TMEM200A: variants seen among roughly 807,000 people sequenced by gnomAD.
The protein encoded by TMEM200A is two transmembrane C.
Under a neutral mutation model 24.3 loss-of-function variants are expected in TMEM200A, and 12 were observed. The ratio of observed to expected loss-of-function variants is 0.49; its 90% CI spans 0.32 to 0.80. TMEM200A has a LOEUF of 0.80. TMEM200A is among the 30% of genes least tolerant of loss of function. TMEM200A has a pLI of 0.04. For synonymous variants in TMEM200A, 224 were observed against 224.4 expected (o/e 1.00, Z 0.02); for missense variants, 545 against 614.4 (o/e 0.89, Z 1.19).
chr6:130,367,105 C>T (rs1778188296), intron 1 of TMEM200A, among the ~76,000 whole-genome samples: 1 of 152,124 alleles, frequency 6.6e-6, no homozygotes, highest in Admixed American at 6.5e-5. Context: ...TGTGTATTTA[C>T]CGCTGTTTGA....
intron 2 of TMEM200A, among the ~76,000 whole-genome samples, chr6:130,434,181 A>T (rs1281088148): frequency 6.6e-6 from 1 of 152,216 alleles, no homozygotes; most frequent in Non-Finnish European, 1.5e-5. Context: ...GTCAACAGAT[A>T]CTTACTGAGC....
chr6:130,384,978 C>T (rs1015519379), intron 1 of TMEM200A, among the ~76,000 whole-genome samples, 195 bp from the exon 2 acceptor site: 30 of 152,204 alleles, frequency 2.0e-4, no homozygotes, highest in African/African-American at 7.2e-5. Flanking sequence ...CATAGCATCT[C>T]ATCTGGTGGC....
chr6:130,431,610 A>G (rs1041181833), intron 2 of TMEM200A, among the ~76,000 whole-genome samples: 1 of 152,128 alleles, frequency 6.6e-6, no homozygotes, highest in African/African-American at 2.4e-5. Flanking sequence ...TCCTGCAGAA[A>G]ATATCTCCCA....
chr6:130,371,730 G>A (rs1056731108), intron 1 of TMEM200A, among the ~76,000 whole-genome samples: 5 of 152,294 alleles, frequency 3.3e-5, no homozygotes, highest in South Asian at 4.1e-4. Context: ...GAAAGGGGAT[G>A]GGAAAATTAT....
intron 1 of TMEM200A, among the ~76,000 whole-genome samples, chr6:130,381,556 G>C (rs3850236): frequency 6.6e-6 from 1 of 151,954 alleles, no homozygotes; most frequent in Non-Finnish European, 1.5e-5. Context: ...TCGGATTACA[G>C]TGCCAGAGAC....
chr6:130,390,154 C>T (rs946472535), intron 2 of TMEM200A, among the ~76,000 whole-genome samples: 1 of 152,124 alleles, frequency 6.6e-6, no homozygotes, highest in African/African-American at 2.4e-5. Context: ...TATAATTTAA[C>T]TGTTTTTTCA....
At chr6:130,435,740 T>G (rs1382919531) in intron 2 of TMEM200A, among the ~76,000 whole-genome samples, 1 of 152,192 alleles carries the variant, frequency 6.6e-6, no homozygotes, top group Non-Finnish European at 1.5e-5. Context: ...GTTCCCAAGT[T>G]AACAAAATGA....
At chr6:130,392,036 C>G (rs534616975) in intron 2 of TMEM200A, among the ~76,000 whole-genome samples, 1 of 152,176 alleles carries the variant, frequency 6.6e-6, no homozygotes, top group Non-Finnish European at 1.5e-5. Context: ...AGCCACCACA[C>G]ACGGCCAAGA....
At chr6:130,422,632 T>G (rs761061946) in intron 2 of TMEM200A, among the ~76,000 whole-genome samples, 15 of 152,190 alleles carry the variant, frequency 9.9e-5, no homozygotes, top group Non-Finnish European at 1.8e-4. Flanking sequence ...CCTTGGGATA[T>G]CATAATACTC....
chr6:130,423,192 T>C (rs7771495), intron 2 of TMEM200A, among the ~76,000 whole-genome samples: 39,214 of 152,108 alleles, frequency 0.26, 6,364 homozygotes, highest in African/African-American at 0.46. Context: ...ATTTTCTCTA[T>C]GTATATCTGT....
At chr6:130,390,148 A>T (rs1047331037) in intron 2 of TMEM200A, among the ~76,000 whole-genome samples, 1 of 152,242 alleles carries the variant, frequency 6.6e-6, no homozygotes, top group Admixed American at 6.5e-5. Context: ...TTTGAATATA[A>T]TTTAACTGTT....
At chr6:130,392,311 C>T (rs9492570) in intron 2 of TMEM200A, among the ~76,000 whole-genome samples, 74,069 of 152,028 alleles carry the variant, frequency 0.49, 22,148 homozygotes, top group African/African-American at 0.85. Context: ...AAACAAGCTT[C>T]AACCAAATAC....
rs377471743 is a variant in TMEM200A at position 130,373,741 on chromosome 6, C to A, written c.-81+7217C>A. ...TCAGATTACTTCTTTTAAAAAGATT[C>A]GTGGAACGATAATTCCTGGGTCAAA... On this transcript the variant is annotated intron_variant, in intron 1 of 2. Coordinates refer to ENST00000296978, the MANE Select transcript of TMEM200A (RefSeq NM_001258277.2). Among the ~76,000 whole-genome samples the A allele has an allele frequency of 1.1e-4, 16 of 152,228 alleles. 2 individuals are homozygous for A. The highest frequency in any genetic ancestry group is 1.2e-4 in the African/African-American group (5 of 41,544).
At position 130,441,343 on chromosome 6, in the gene TMEM200A, C is replaced by T. The variant is rs931131364; in HGVS notation, c.921C>T (p.Asn307=). The change falls in exon 3 of 3, where the codon AAC becomes AAT. Residue 307 remains asparagine (N), a synonymous_variant. Coordinates refer to ENST00000296978, the MANE Select transcript of TMEM200A (RefSeq NM_001258277.2). ...TTATTGATGAGCCCAGTATAGATAA[C>T]ATCACTGAAGATGCTGACAACCTCA... ...NCVIDEPSID[N]ITEDADNLKS... 1.9e-6 allele frequency: 3 copies of T among 1,614,130 alleles called. No homozygotes were observed. Among genetic ancestry groups the T allele is most frequent in the Admixed American group, 1.7e-5 (1 of 60,030 alleles).
At chr6:130,389,448 G>A (rs931831670) in intron 2 of TMEM200A, among the ~76,000 whole-genome samples, 1 of 152,124 alleles carries the variant, frequency 6.6e-6, no homozygotes, top group Non-Finnish European at 1.5e-5. Flanking sequence ...GTGAGAGAAA[G>A]AAGAGGTTAT....
intron 2 of TMEM200A, among the ~76,000 whole-genome samples, chr6:130,396,086 T>G (rs1314094717): frequency 6.6e-6 from 1 of 152,222 alleles, no homozygotes. Flanking sequence ...GTTTAATTAT[T>G]TTTTCTTTTT....
At chr6:130,436,616 T>G (rs2115227380) in intron 2 of TMEM200A, among the ~76,000 whole-genome samples, 2 of 148,580 alleles carry the variant, frequency 1.3e-5, no homozygotes, top group East Asian at 2.0e-4. Context: ...TCACTAGGCT[T>G]CGTTTTTCTT....
chr6:130,431,920 C>CT (rs1195269162), intron 2 of TMEM200A, among the ~76,000 whole-genome samples: 1 of 152,148 alleles, frequency 6.6e-6, no homozygotes, highest in Non-Finnish European at 1.5e-5. Context: ...CATTTAATGA[C>CT]TTGAATATCA....
chr6:130,383,213 T>A, intron 1 of TMEM200A: 1 of 263,446 alleles, frequency 3.8e-6, no homozygotes, highest in African/African-American at 2.3e-5. Context: ...CCAAGGGCAT[T>A]AACTAGCTCA....
Sources: gnomAD v4.1 joint callset for allele counts (sites outside exome capture counted in the v4.1 genomes callset) on GRCh38, gnomAD v4.1.1 for gene constraint, MANE v1.5 for transcripts, NCBI Gene and HGNC (gene_info 2026-07-23, HGNC 2026-07-21) for gene names.